Variants in TNIK observed in about 807,000 individuals in gnomAD.
The protein encoded by TNIK is TRAF2 and NCK-interacting protein kinase.
Under a neutral mutation model 191.3 loss-of-function variants are expected in TNIK, and 49 were observed. The observed-to-expected ratio is 0.26, with a 90% confidence interval of 0.20 to 0.32. The LOEUF is 0.32. Among genes scored for constraint, TNIK ranks in the 10% least tolerant of loss-of-function variants. The pLI is 1.00. For missense variants in TNIK, 1,155 were observed against 1,702.3 expected (o/e 0.68, Z 5.66); for synonymous variants, 594 against 600.9 (o/e 0.99, Z 0.17).
At chr3:171,318,700 A>G (rs1444796381) in intron 2 of TNIK, among the ~76,000 whole-genome samples, 1 of 152,188 alleles carries the variant, frequency 6.6e-6, no homozygotes, top group Non-Finnish European at 1.5e-5. Context: ...AAAAAAAGCA[A>G]CTTTGAAAAT....
chr3:171,119,696 C>CA (rs376096936), intron 18 of TNIK, among the ~76,000 whole-genome samples: 97 of 134,044 alleles, frequency 7.2e-4, no homozygotes, highest in South Asian at 2.1e-3. Context: ...ATCGCAAGGA[C>CA]AAAAAAAAAC....
intron 28 of TNIK, among the ~76,000 whole-genome samples, chr3:171,077,564 T>C (rs1720129108): frequency 6.6e-6 from 1 of 152,162 alleles, no homozygotes; most frequent in South Asian, 2.1e-4. Flanking sequence ...GCCTTCAGAC[T>C]TGGACTGAAG....
intron 2 of TNIK, among the ~76,000 whole-genome samples, chr3:171,263,047 A>G (rs1156330382): frequency 2.0e-5 from 3 of 152,222 alleles, no homozygotes; most frequent in African/African-American, 2.4e-5. Context: ...CAGGTAAGCT[A>G]GCCTAAAGAG....
chr3:171,175,379 A>G, intron 8 of TNIK, 49 bp from the exon 9 acceptor site: 1 of 1,530,308 alleles, frequency 6.5e-7, no homozygotes, highest in Non-Finnish European at 8.9e-7. Flanking sequence ...GGCCAAACCC[A>G]GGCCAAGCCC....
chr3:171,253,709 T>A (rs945155945), intron 2 of TNIK, among the ~76,000 whole-genome samples: 6 of 146,856 alleles, frequency 4.1e-5, no homozygotes, highest in Non-Finnish European at 7.4e-5. Flanking sequence ...TCCCGAATCC[T>A]CTCTGAACAG....
chr3:171,179,792 C>T (rs1339801121), intron 7 of TNIK, among the ~76,000 whole-genome samples: 3 of 152,110 alleles, frequency 2.0e-5, no homozygotes, highest in South Asian at 2.1e-4. Context: ...ATAATCATTT[C>T]GGAACATGAG....
At chr3:171,138,845 G>A (rs1289177748) in intron 14 of TNIK, among the ~76,000 whole-genome samples, 4 of 152,026 alleles carry the variant, frequency 2.6e-5, no homozygotes, top group Non-Finnish European at 5.9e-5. Flanking sequence ...GACCTACAAA[G>A]GCCATTAGCA....
chr3:171,460,111 T>C lies in TNIK; in HGVS notation c.-48A>G, dbSNP rs1729299304. 1 of 1,571,578 alleles carries C rather than the reference T, an allele frequency of 6.4e-7. No homozygotes were observed. The highest frequency in any genetic ancestry group is 1.9e-5 in the Admixed American group (1 of 53,910). The stretch of plus-strand genomic sequence containing the variant: ...TGGACCAAAACCACCCCGAAGCTTT[T>C]CCCTTGGAAATTCCACCTTGGTCTA... On this transcript the variant is annotated 5_prime_UTR_variant, in exon 1 of 33. Coordinates refer to ENST00000436636, the MANE Select transcript of TNIK (RefSeq NM_015028.4). The surrounding 1 kb of genome is among the most constrained non-coding windows in gnomAD (Gnocchi z 6.8).
chr3:171,285,544 A>G (rs1329094601), intron 2 of TNIK, among the ~76,000 whole-genome samples: 1 of 152,250 alleles, frequency 6.6e-6, no homozygotes, highest in East Asian at 1.9e-4. Flanking sequence ...TCACCTATAC[A>G]GTGAAGGCTG....
chr3:171,402,926 A>C (rs1246328785), intron 1 of TNIK, among the ~76,000 whole-genome samples: 2 of 152,254 alleles, frequency 1.3e-5, no homozygotes, highest in African/African-American at 4.8e-5. Context: ...GCCCAGCCAA[A>C]GTATTTTTAA....
At chr3:171,412,079 C>T (rs1485777614) in intron 1 of TNIK, among the ~76,000 whole-genome samples, 1 of 152,194 alleles carries the variant, frequency 6.6e-6, no homozygotes, top group Non-Finnish European at 1.5e-5. Context: ...CTTGAGTTGT[C>T]CTTGCTCTGC....
intron 23 of TNIK, among the ~76,000 whole-genome samples, chr3:171,089,755 T>C (rs1241975990): frequency 6.6e-6 from 1 of 152,206 alleles, no homozygotes; most frequent in East Asian, 1.9e-4. Context: ...ACCTCAATAA[T>C]ATCTCGTCTT....
At chr3:171,397,904 C>A (rs1396439900) in intron 1 of TNIK, among the ~76,000 whole-genome samples, 1 of 152,078 alleles carries the variant, frequency 6.6e-6, no homozygotes, top group Non-Finnish European at 1.5e-5. Flanking sequence ...AAACTAAAAC[C>A]AAATAATAAA....
At chr3:171,222,829 G>A (rs997611196) in intron 3 of TNIK, among the ~76,000 whole-genome samples, 29 of 152,078 alleles carry the variant, frequency 1.9e-4, no homozygotes, top group Non-Finnish European at 3.8e-4. Flanking sequence ...CAATCCTACG[G>A]TGTTACTCTC....
At chr3:171,346,064 T>C (rs556986239) in intron 2 of TNIK, among the ~76,000 whole-genome samples, 2 of 152,126 alleles carry the variant, frequency 1.3e-5, no homozygotes, top group South Asian at 4.2e-4. Flanking sequence ...AGGGAAGGCC[T>C]CTCTAATAAA....
intron 3 of TNIK, among the ~76,000 whole-genome samples, chr3:171,216,222 A>G (rs1180964841): frequency 1.3e-5 from 2 of 152,212 alleles, no homozygotes. Context: ...AATAATTTGT[A>G]ATAGTGAAAT....
intron 7 of TNIK, among the ~76,000 whole-genome samples, chr3:171,184,958 G>A (rs2108812831): frequency 6.6e-6 from 1 of 152,286 alleles, no homozygotes; most frequent in Non-Finnish European, 1.5e-5. Context: ...GCACAGATCA[G>A]GCCTGAGGAC....
chr3:171,439,454 A>C (rs1479396036), intron 1 of TNIK: 1 of 152,050 alleles, frequency 6.6e-6, no homozygotes, highest in Admixed American at 6.5e-5. Flanking sequence ...CATCTATAAA[A>C]TTAGAATAGT....
Position 171,063,173 on chromosome 3 carries a change from G to A in TNIK, c.*708C>T, listed in dbSNP as rs2108292898. 1 of 152,328 alleles carries A rather than the reference G, an allele frequency of 6.6e-6. No homozygotes were observed. The highest frequency in any genetic ancestry group is 2.1e-4 in the South Asian group (1 of 4,828). 9.4% of individuals were successfully genotyped at this position (152,328 alleles called of 1,614,324 possible). A position where few individuals can be genotyped will look rare whatever the true frequency, so the allele number is the denominator to read the frequency against. ...AATGTGGCCTGTCAGATTCACAAAAGTGGTAGTTGATTTTATTAGACTAGT... is the reference window on the plus strand; with the variant it reads ...AATGTGGCCTGTCAGATTCACAAAAATGGTAGTTGATTTTATTAGACTAGT... On this transcript the variant is annotated 3_prime_UTR_variant, in exon 33 of 33. Coordinates refer to ENST00000436636, the MANE Select transcript of TNIK (RefSeq NM_015028.4).
Sources: gnomAD v4.1 joint callset for allele counts (sites outside exome capture counted in the v4.1 genomes callset) on GRCh38, gnomAD v4.1.1 for gene constraint, Gnocchi (gnomAD v3.1) non-coding constraint, MANE v1.5 for transcripts, NCBI Gene and HGNC (gene_info 2026-07-23, HGNC 2026-07-21) for gene names.